The following MLLT1 variants were observed in gnomAD, a reference collection of about 807,000 sequenced individuals.
The protein encoded by MLLT1 is MLLT1 super elongation complex subunit.
MLLT1 carries 11 observed loss-of-function variants against 55.1 expected under a neutral mutation model. The ratio of observed to expected loss-of-function variants is 0.20; its 90% CI spans 0.13 to 0.33. The LOEUF is 0.33. MLLT1 is among the 10% of genes least tolerant of loss of function. The probability of loss-of-function intolerance (pLI) is 1.00; values close to 1 mark genes in which losing one functional copy is unlikely to be tolerated. For missense variants in MLLT1, 536 were observed against 760.6 expected (o/e 0.70, Z 3.47); for synonymous variants, 323 against 320.1 (o/e 1.01, Z -0.10).
At chr19:6,223,452 G>GT in intron 5 of MLLT1, among the ~76,000 whole-genome samples, 1 of 152,312 alleles carries the variant, frequency 6.6e-6, no homozygotes, top group South Asian at 2.1e-4. Context: ...GAGGACAGAG[G>GT]TAAGATGATG....
intron 3 of MLLT1, among the ~76,000 whole-genome samples, chr19:6,245,076 C>G (rs1484794782): frequency 6.6e-6 from 1 of 152,090 alleles, no homozygotes; most frequent in East Asian, 1.9e-4. Context: ...TGTGTTGGCT[C>G]ACGCCTATAA....
Position 6,262,479 on chromosome 19 carries a change from G to A in MLLT1, c.194-169C>T, listed in dbSNP as rs778347285. On this transcript the variant is annotated intron_variant, in intron 2 of 11. Coordinates refer to ENST00000252674, the MANE Select transcript of MLLT1 (RefSeq NM_005934.4). The surrounding 1 kb of genome is among the most constrained non-coding windows in gnomAD (Gnocchi z 4.4). ...AGCCCCCGACAGGATTGACTTCCAC[G>A]GCAAAGTTATCTTAGGAATAAAACA... 1.1e-4 allele frequency among the ~76,000 whole-genome samples: 17 copies of A among 152,148 alleles called. No homozygotes were observed. Among genetic ancestry groups the A allele is most frequent in the Non-Finnish European group, 2.2e-4 (15 of 67,998 alleles).
At chr19:6,259,799 TAAAAAAAAAA>T (rs60832951) in intron 3 of MLLT1, 1 of 70,138 alleles carries the variant, frequency 1.4e-5, no homozygotes, top group Non-Finnish European at 2.6e-5. Context: ...AAACATGACT[TAAAAAAAAAA>T]AAAAAAAAAA....
In MLLT1 at chr19:6,231,007, C is replaced by T. The variant is rs2091003710; in HGVS notation, c.277-294G>A. 6.6e-6 allele frequency among the ~76,000 whole-genome samples: 1 copy of T among 152,232 alleles called. No individual in the cohort carries two copies. On this transcript the variant is annotated intron_variant, in intron 3 of 11. Coordinates refer to ENST00000252674, the MANE Select transcript of MLLT1 (RefSeq NM_005934.4). The surrounding 1 kb of genome is among the most constrained non-coding windows in gnomAD (Gnocchi z 5.1). The stretch of plus-strand genomic sequence containing the variant: ...TGTACCCCCTTCAACCCTCACAGCG[C>T]CACTGACAGACAGGGAAACCGACGC...
intron 3 of MLLT1, among the ~76,000 whole-genome samples, chr19:6,257,248 C>T (rs544322750): frequency 6.6e-6 from 1 of 152,262 alleles, no homozygotes; most frequent in African/African-American, 2.4e-5. Context: ...CAGCTCACGC[C>T]TGTGATCCCA....
At chr19:6,225,384 C>T (rs1022631936) in intron 5 of MLLT1, among the ~76,000 whole-genome samples, 3 of 152,194 alleles carry the variant, frequency 2.0e-5, no homozygotes, top group Admixed American at 6.5e-5. Context: ...GCACATGGCC[C>T]GGCCACTCAC....
chr19:6,230,963 C>T lies in MLLT1; in HGVS notation c.277-250G>A, dbSNP rs192618441. The stretch of plus-strand genomic sequence containing the variant: ...GAAAGCTCATTCATAGCCATGCTCT[C>T]GGACTGTTATGGGAAACATGTACCC... On this transcript the variant is annotated intron_variant, in intron 3 of 11. Coordinates refer to ENST00000252674, the MANE Select transcript of MLLT1 (RefSeq NM_005934.4). This position sits in a 1 kb window ranked among gnomAD's most constrained non-coding sequence, Gnocchi z 9.0. 9.2e-5 allele frequency among the ~76,000 whole-genome samples: 14 copies of T among 152,344 alleles called. No individual in the cohort carries two copies. The East Asian group carries it at 2.3e-3, about 25-fold the overall frequency.
chr19:6,221,705 A>G (rs922808501), intron 6 of MLLT1, among the ~76,000 whole-genome samples: 1 of 152,208 alleles, frequency 6.6e-6, no homozygotes, highest in Non-Finnish European at 1.5e-5. Flanking sequence ...AGTCTCCCAG[A>G]TGCCCTATTG....
rs933360982 is a variant in MLLT1, at chr19:6,239,651, G to A, written c.277-8938C>T. Among the ~76,000 whole-genome samples, 113 of 151,354 alleles carry A rather than the reference G, an allele frequency of 7.5e-4. 1 individual carries two copies. The highest frequency in any genetic ancestry group is 2.5e-3 in the African/African-American group (101 of 41,148). On this transcript the variant is annotated intron_variant, in intron 3 of 11. Coordinates refer to ENST00000252674, the MANE Select transcript of MLLT1 (RefSeq NM_005934.4). Reference sequence around the variant, plus strand: ...CACCCATGTACACACACTCATACACGTCCATACTCATCCCTCACCTACCTG... The same window carrying A: ...CACCCATGTACACACACTCATACACATCCATACTCATCCCTCACCTACCTG...
At chr19:6,241,606 G>C (rs1246105187) in intron 3 of MLLT1, among the ~76,000 whole-genome samples, 1 of 152,230 alleles carries the variant, frequency 6.6e-6, no homozygotes, top group African/African-American at 2.4e-5. Flanking sequence ...AGGTCCTGGG[G>C]TGGCCGTGGC....
intron 2 of MLLT1, among the ~76,000 whole-genome samples, chr19:6,266,344 C>T (rs2091349271): frequency 1.3e-5 from 2 of 151,312 alleles, no homozygotes; most frequent in South Asian, 4.2e-4. Context: ...ACCTGTAATT[C>T]CCAAACCACA....
chr19:6,250,001 A>T (rs1416694247), intron 3 of MLLT1, among the ~76,000 whole-genome samples: 1 of 152,162 alleles, frequency 6.6e-6, no homozygotes, highest in Non-Finnish European at 1.5e-5. Context: ...AGCCTGGGTG[A>T]CAGAGTGAGA....
Position 6,222,102 on chromosome 19 carries a change from G to A in MLLT1, c.1110+19C>T, listed in dbSNP as rs368100668. The A allele has an allele frequency of 7.4e-6, 11 of 1,480,358 alleles. No homozygotes were observed. Among genetic ancestry groups the A allele is most frequent in the Admixed American group, 2.4e-5 (1 of 42,242 alleles). 91.7% of individuals were successfully genotyped at this position (1,480,358 alleles called of 1,614,324 possible). ...CACACTGCCTGCACCTGGCTGCCCT[G>A]CCCCCAGCACTCACTCACCTCGGAC... On this transcript the variant is annotated intron_variant, in intron 6 of 11. Coordinates refer to ENST00000252674, the MANE Select transcript of MLLT1 (RefSeq NM_005934.4). The surrounding 1 kb of genome is among the most constrained non-coding windows in gnomAD (Gnocchi z 4.1).
intron 1 of MLLT1, among the ~76,000 whole-genome samples, chr19:6,274,594 T>G (rs1158855655): frequency 6.6e-6 from 1 of 152,190 alleles, no homozygotes; most frequent in Non-Finnish European, 1.5e-5. Flanking sequence ...TGCCTGCTGC[T>G]GGGAGGCCAC....
At position 6,235,106 on chromosome 19, in the gene MLLT1, CAGG is replaced by C. The variant is rs1263948535; in HGVS notation, c.277-4396_277-4394del. Reference sequence around the variant, plus strand: ...TGTCTGGGATTTGCTCCAGAATGACCAGGAGGGCAGCGCAGGCTGGAACGGGCT... The same window carrying C: ...TGTCTGGGATTTGCTCCAGAATGACCAGGGCAGCGCAGGCTGGAACGGGCT... On this transcript the variant is annotated intron_variant, in intron 3 of 11. Coordinates refer to ENST00000252674, the MANE Select transcript of MLLT1 (RefSeq NM_005934.4). This position sits in a 1 kb window ranked among gnomAD's most constrained non-coding sequence, Gnocchi z 5.5. 6.6e-6 allele frequency among the ~76,000 whole-genome samples: 1 copy of C among 152,162 alleles called. No homozygotes were observed.
At position 6,210,498 on chromosome 19, in the gene MLLT1, C is replaced by T. The variant is rs1287179073; in HGVS notation, c.*2544G>A. On this transcript the variant is annotated 3_prime_UTR_variant, in exon 12 of 12. Transcript: ENST00000252674. This position sits in a 1 kb window ranked among gnomAD's most constrained non-coding sequence, Gnocchi z 4.6. ...ACAATCCTGTAACTCGTTACAAACA[C>T]GATTCTCCTTATTCCTTTTATCCAG... 2.4e-5 allele frequency: 5 copies of T among 212,116 alleles called. No homozygotes were observed. Among genetic ancestry groups the T allele is most frequent in the Admixed American group, 1.8e-4 (3 of 16,980 alleles). 13.1% of individuals were successfully genotyped at this position (212,116 alleles called of 1,614,324 possible).
chr19:6,213,045 T>A lies in MLLT1; in HGVS notation c.1677A>T (p.Thr559=), dbSNP rs1340479623. The change falls in exon 12 of 12, where the codon ACA becomes ACT. Residue 559 remains threonine (T), a synonymous_variant. Transcript: ENST00000252674. The part of the protein sequence containing the change: ...KLQSCLEAVA[T] ...GGGCCCGGCACGCGGCCCAGGGTCA[T>A]GTGGCCACGGCCTCCAGGCAGCTCT... 2 of 1,613,340 alleles carry A rather than the reference T, an allele frequency of 1.2e-6. No individual in the cohort carries two copies. Among genetic ancestry groups the A allele is most frequent in the African/African-American group, 2.7e-5 (2 of 74,886 alleles).
chr19:6,243,960 T>C (rs1600196562), intron 3 of MLLT1, among the ~76,000 whole-genome samples: 1 of 143,684 alleles, frequency 7.0e-6, no homozygotes. Flanking sequence ...AGGAGAAAGG[T>C]GTGAACCCAG....
In MLLT1 at chr19:6,226,298, C is replaced by T. The variant is rs933364237; in HGVS notation, c.546+679G>A. On this transcript the variant is annotated intron_variant, in intron 5 of 11. Transcript: ENST00000252674. This position sits in a 1 kb window ranked among gnomAD's most constrained non-coding sequence, Gnocchi z 6.3. ...GTGCTGAGTGGGCAGCTACAGAGGA[C>T]TGGGGCGTGCTCAGGGGTTAAAGGG... Among the ~76,000 whole-genome samples the T allele has an allele frequency of 6.6e-6, 1 of 152,210 alleles. No homozygotes were observed. The highest frequency in any genetic ancestry group is 1.5e-5 in the Non-Finnish European group (1 of 68,036).
Sources: gnomAD v4.1 joint callset for allele counts (sites outside exome capture counted in the v4.1 genomes callset) on GRCh38, gnomAD v4.1.1 for gene constraint, Gnocchi (gnomAD v3.1) non-coding constraint, MANE v1.5 for transcripts, NCBI Gene and HGNC (gene_info 2026-07-23, HGNC 2026-07-21) for gene names.